PHIP: variants seen among roughly 807,000 people sequenced by gnomAD.
The protein encoded by PHIP is PHIP subunit of CUL4-Ring ligase complex.
PHIP carries 54 observed loss-of-function variants against 236.8 expected under a neutral mutation model. The observed-to-expected ratio is 0.23, with a 90% CI of 0.18 to 0.29. The LOEUF (loss-of-function observed/expected upper bound fraction) is 0.29, where lower values mean the gene tolerates loss of function less well. Among genes scored for constraint, PHIP ranks in the 10% least tolerant of loss-of-function variants. The probability of loss-of-function intolerance (pLI) is 1.00; values close to 1 mark genes in which losing one functional copy is unlikely to be tolerated. For missense variants in PHIP, 1,370 were observed against 2,190.8 expected, an observed-to-expected ratio of 0.63 and a Z score of 7.48; for synonymous variants, 756 against 718.9, an observed-to-expected ratio of 1.05 and a Z score of -0.83.
chr6:79,042,917 G>A lies in PHIP; in HGVS notation c.526C>T (p.His176Tyr). The change falls in exon 7 of 40, where the codon CAT (histidine) becomes TAT (tyrosine). Residue 176 changes from histidine to tyrosine, a missense_variant. His to Tyr is a moderately conservative substitution (Grantham distance 83, BLOSUM62 2). Transcript: ENST00000275034. ...PTAVYQHMKM[H>Y]KRILGHLSSV... ...GACAAGTGTCCAAGAATTCGTTTAT[G>A]CATTTTCATGTGCTGATACACTGCA... 6.2e-7 allele frequency: 1 copy of A among 1,612,166 alleles called. No homozygotes were observed. Among genetic ancestry groups the A allele is most frequent in the Non-Finnish European group, 8.5e-7 (1 of 1,178,592 alleles).
At chr6:78,965,881 A>G (rs1767094421) in intron 28 of PHIP, 64 bp downstream of exon 28, 1 of 1,280,384 alleles carries the variant, frequency 7.8e-7, no homozygotes, top group African/African-American at 1.5e-5. Context: ...TTATCTCTTA[A>G]TAGATGGAAA....
At chr6:78,964,802 A>AT (rs1767026903) in intron 29 of PHIP, among the ~76,000 whole-genome samples, 1 of 152,154 alleles carries the variant, frequency 6.6e-6, no homozygotes, top group Admixed American at 6.5e-5. Flanking sequence ...GTAATATATT[A>AT]TTTTTTAAAA....
rs1562105564 is a variant in PHIP, at chr6:78,935,808, C to CT, written c.*4884dup. 1 of 930,070 alleles carries CT rather than the reference C, an allele frequency of 1.1e-6. No homozygotes were observed. Among genetic ancestry groups the CT allele is most frequent in the East Asian group, 1.2e-4 (1 of 8,552 alleles). 57.6% of individuals were successfully genotyped at this position (930,070 alleles called of 1,614,324 possible). A position where few individuals can be genotyped will look rare whatever the true frequency, so the allele number is the denominator to read the frequency against. On this transcript the variant is annotated 3_prime_UTR_variant, in exon 40 of 40. Transcript: ENST00000275034. ...GCTTGTTGAGATTATGTACTAAGTG[C>CT]TTTATGTGATGCCAAAAAACTTTAA...
Position 78,945,284 on chromosome 6 carries a change from A to G in PHIP, c.4828+16T>C, listed in dbSNP as rs577476778. 1.9e-6 allele frequency: 3 copies of G among 1,548,656 alleles called. No individual in the cohort carries two copies. In the East Asian group the frequency reaches 6.7e-5, roughly 35 times the overall value. On this transcript the variant is annotated intron_variant, in intron 39 of 39. Transcript: ENST00000275034. ...AAGGATCTACTGTATCTTGAAAGAT[A>G]CAAGTAATACCTTACCTTGCTCAAT...
intron 4 of PHIP, among the ~76,000 whole-genome samples, chr6:79,065,764 CCACACACACACACACACA>C (rs58570604): frequency 1.0e-4 from 15 of 143,468 alleles, no homozygotes; most frequent in East Asian, 4.1e-4. Flanking sequence ...CTTAACTATA[CCACACACACACACACACA>C]CACACACACA....
chr6:78,959,876 C>T lies in PHIP; in HGVS notation c.3657-1276G>A, dbSNP rs571045645. ...AATACCATTAAGTCAAAAATGCATGCGATATACTTAACCTAGCAAATATTT... is the reference window on the plus strand; with the variant it reads ...AATACCATTAAGTCAAAAATGCATGTGATATACTTAACCTAGCAAATATTT... On this transcript the variant is annotated intron_variant, in intron 31 of 39. Coordinates refer to ENST00000275034, the MANE Select transcript of PHIP (RefSeq NM_017934.7). Among the ~76,000 whole-genome samples, 7 of 152,070 alleles carry T rather than the reference C, an allele frequency of 4.6e-5. No homozygotes were observed. In the East Asian group the frequency reaches 5.8e-4, roughly 13 times the overall value.
chr6:78,984,792 G>A (rs1227346674), intron 22 of PHIP, among the ~76,000 whole-genome samples: 3 of 152,166 alleles, frequency 2.0e-5, no homozygotes, highest in African/African-American at 7.2e-5. Context: ...TGGGGGATAA[G>A]TGTAGCAGCT....
intron 28 of PHIP, 62 bp from the exon 29 acceptor site, chr6:78,965,826 A>C (rs1767088801): frequency 2.5e-6 from 3 of 1,189,874 alleles, no homozygotes; most frequent in Non-Finnish European, 3.7e-6. Context: ...ATTTTAATAA[A>C]ATCAATTATC....
rs950193579 is a variant in PHIP at position 78,939,777 on chromosome 6, A to T, written c.*916T>A. The stretch of plus-strand genomic sequence containing the variant: ...TTCCTTGAATCCTTTAACCACTTAA[A>T]CATTTCCTCTAGAACATCTCTGTCA... On this transcript the variant is annotated 3_prime_UTR_variant, in exon 40 of 40. Coordinates refer to ENST00000275034, the MANE Select transcript of PHIP (RefSeq NM_017934.7). The T allele has an allele frequency of 6.6e-6, 1 of 152,348 alleles. No individual in the cohort carries two copies. Among genetic ancestry groups the T allele is most frequent in the Non-Finnish European group, 1.5e-5 (1 of 67,856 alleles). The allele number at this position is 152,348 out of a possible 1,614,324, so 9.4% of individuals were successfully genotyped here.
intron 35 of PHIP, 25 bp downstream of exon 35, chr6:78,954,789 A>G: frequency 6.6e-7 from 1 of 1,526,310 alleles, no homozygotes; most frequent in South Asian, 1.2e-5. Flanking sequence ...TGACAGGTAA[A>G]GAAAATATTT....
intron 25 of PHIP, among the ~76,000 whole-genome samples, chr6:78,970,486 G>A (rs1263633237): frequency 6.6e-6 from 1 of 152,086 alleles, no homozygotes; most frequent in African/African-American, 2.4e-5. Context: ...GACAAATCTA[G>A]AAATACGCAT....
chr6:79,004,462 T>C, intron 15 of PHIP: 1 of 957,730 alleles, frequency 1.0e-6, no homozygotes, highest in Non-Finnish European at 1.2e-6. Flanking sequence ...AGGTGGCCAA[T>C]CACCACTCTG....
At chr6:78,965,618 A>G in intron 29 of PHIP, 85 bp downstream of exon 29, 2 of 762,148 alleles carry the variant, frequency 2.6e-6, no homozygotes, top group Middle Eastern at 2.6e-4. Flanking sequence ...CACAACTGTA[A>G]GTGGTAGCAT....
At chr6:79,000,632 T>A (rs117747037) in intron 17 of PHIP, among the ~76,000 whole-genome samples, 1 of 152,100 alleles carries the variant, frequency 6.6e-6, no homozygotes, top group Non-Finnish European at 1.5e-5. Flanking sequence ...GGGAACAATC[T>A]GATTTTGCCA....
intron 20 of PHIP, among the ~76,000 whole-genome samples, chr6:78,990,538 A>G (rs1253883592): frequency 6.6e-6 from 1 of 152,194 alleles, no homozygotes; most frequent in African/African-American, 2.4e-5. Flanking sequence ...ATAGAAAAAC[A>G]TAACAAAATG....
intron 27 of PHIP, among the ~76,000 whole-genome samples, chr6:78,967,935 C>T (rs1767250572): frequency 6.6e-6 from 1 of 151,828 alleles, no homozygotes; most frequent in Admixed American, 6.6e-5. Context: ...GAGATCAAGA[C>T]CATCCTGGCT....
intron 7 of PHIP, among the ~76,000 whole-genome samples, 169 bp downstream of exon 7, chr6:79,042,674 G>C (rs890360276): frequency 1.3e-5 from 2 of 151,840 alleles, no homozygotes; most frequent in Non-Finnish European, 1.5e-5. Context: ...TCTGAATTTG[G>C]ATAAAGTCCA....
At chr6:78,954,616 T>C (rs1158084874) in intron 35 of PHIP, among the ~76,000 whole-genome samples, 198 bp downstream of exon 35, 3 of 152,178 alleles carry the variant, frequency 2.0e-5, no homozygotes, top group African/African-American at 7.2e-5. Context: ...TCTTACAGTG[T>C]CTTCATTCAG....
intron 4 of PHIP, among the ~76,000 whole-genome samples, chr6:79,069,434 T>C (rs925778141): frequency 3.3e-5 from 5 of 151,884 alleles, no homozygotes; most frequent in Non-Finnish European, 7.4e-5. Flanking sequence ...GTGCTGAGTG[T>C]TCCCAAAATT....
Sources: gnomAD v4.1 joint callset for allele counts (sites outside exome capture counted in the v4.1 genomes callset) on GRCh38, gnomAD v4.1.1 for gene constraint, MANE v1.5 for transcripts, NCBI Gene and HGNC (gene_info 2026-07-23, HGNC 2026-07-21) for gene names.